PLXDC2: variants seen among roughly 807,000 people sequenced by gnomAD.
The protein encoded by PLXDC2 is plexin domain-containing protein 2.
In PLXDC2, 40 loss-of-function variants were observed where a neutral mutation model predicts 68.9. The observed-to-expected ratio is 0.58, with a 90% CI of 0.45 to 0.76. PLXDC2 has a LOEUF of 0.76. PLXDC2 is among the 30% of genes least tolerant of loss of function. The pLI, the probability that PLXDC2 is intolerant of heterozygous loss-of-function variation, is 0.00. For synonymous variants in PLXDC2, 243 were observed against 234.2 expected (o/e 1.04, Z -0.34); for missense variants, 644 against 661.9 (o/e 0.97, Z 0.30).
At chr10:20,076,937 C>T (rs775351996) in intron 4 of PLXDC2, among the ~76,000 whole-genome samples, 6 of 152,260 alleles carry the variant, frequency 3.9e-5, no homozygotes, top group South Asian at 2.1e-4. Flanking sequence ...TTGTAACACA[C>T]GATAGAATCT....
At chr10:20,132,782 A>T (rs1833884789) in intron 4 of PLXDC2, among the ~76,000 whole-genome samples, 1 of 146,012 alleles carries the variant, frequency 6.8e-6, no homozygotes, top group South Asian at 2.2e-4. Context: ...AAAAAAAAAA[A>T]TCCATTCAAC....
At chr10:20,271,506 A>G (rs984380246) in intron 13 of PLXDC2, among the ~76,000 whole-genome samples, 7 of 152,178 alleles carry the variant, frequency 4.6e-5, no homozygotes, top group African/African-American at 1.7e-4. Context: ...TTTCCAATGG[A>G]AATTAGAGTG....
At chr10:20,127,172 T>A (rs1215425332) in intron 4 of PLXDC2, among the ~76,000 whole-genome samples, 1 of 152,148 alleles carries the variant, frequency 6.6e-6, no homozygotes, top group Non-Finnish European at 1.5e-5. Context: ...AGCAAAGCTC[T>A]TCTACTCCTT....
intron 9 of PLXDC2, among the ~76,000 whole-genome samples, chr10:20,186,081 C>A (rs1834678696): frequency 1.3e-5 from 2 of 151,806 alleles, no homozygotes; most frequent in African/African-American, 4.8e-5. Context: ...AAGTTGAATG[C>A]CAAGTTTAAA....
chr10:20,271,885 T>C (rs911737081), intron 13 of PLXDC2, among the ~76,000 whole-genome samples: 5 of 152,176 alleles, frequency 3.3e-5, no homozygotes, highest in African/African-American at 1.2e-4. Context: ...TCAAATCTCA[T>C]TGGTTAGCTC....
At chr10:20,250,793 T>G (rs1835666018) in intron 13 of PLXDC2, among the ~76,000 whole-genome samples, 1 of 152,190 alleles carries the variant, frequency 6.6e-6, no homozygotes, top group Non-Finnish European at 1.5e-5. Context: ...TAAAAGAACT[T>G]AGTAAATATT....
intron 1 of PLXDC2, among the ~76,000 whole-genome samples, chr10:19,946,513 T>A (rs975834136): frequency 6.6e-6 from 1 of 151,590 alleles, no homozygotes. Flanking sequence ...TAAATTTTCT[T>A]ATCAGTTCCT....
intron 7 of PLXDC2, among the ~76,000 whole-genome samples, chr10:20,169,331 T>G (rs1203371286): frequency 3.3e-5 from 5 of 152,226 alleles, no homozygotes; most frequent in African/African-American, 1.2e-4. Context: ...CATTTTTAAC[T>G]CTGCAAATTT....
intron 1 of PLXDC2, among the ~76,000 whole-genome samples, chr10:19,885,489 C>G (rs1309451080): frequency 1.3e-5 from 2 of 152,074 alleles, no homozygotes; most frequent in African/African-American, 4.8e-5. Flanking sequence ...GGTTTTAGGT[C>G]TAACGTTTAA....
At chr10:19,835,684 C>T (rs1342274268) in intron 1 of PLXDC2, among the ~76,000 whole-genome samples, 1 of 152,114 alleles carries the variant, frequency 6.6e-6, no homozygotes, top group Non-Finnish European at 1.5e-5. Flanking sequence ...AATGGGCCCC[C>T]AGGCGGGAGA....
intron 6 of PLXDC2, among the ~76,000 whole-genome samples, chr10:20,151,644 A>C (rs1834154250): frequency 6.6e-6 from 1 of 152,148 alleles, no homozygotes; most frequent in African/African-American, 2.4e-5. Flanking sequence ...GTTTCTTAAT[A>C]TTGGCTGTTT....
chr10:19,817,457 A>G (rs1193878559), intron 1 of PLXDC2, among the ~76,000 whole-genome samples: 1 of 152,182 alleles, frequency 6.6e-6, no homozygotes, highest in Admixed American at 6.5e-5. Flanking sequence ...AAAGTAGCCC[A>G]GGGAGGGCTT....
chr10:19,935,288 G>C (rs1189839402), intron 1 of PLXDC2, among the ~76,000 whole-genome samples: 2 of 152,206 alleles, frequency 1.3e-5, no homozygotes, highest in African/African-American at 4.8e-5. Context: ...AGGCTGGCCA[G>C]CTGCAAGAGA....
chr10:20,046,746 T>G, intron 2 of PLXDC2, 123 bp from the exon 3 acceptor site: 1 of 933,220 alleles, frequency 1.1e-6, no homozygotes, highest in South Asian at 2.2e-5. Flanking sequence ...TCTCCTAGAG[T>G]ATAGTTAAAT....
chr10:19,998,720 A>T (rs1589577538), intron 1 of PLXDC2, among the ~76,000 whole-genome samples: 1 of 152,154 alleles, frequency 6.6e-6, no homozygotes, highest in African/African-American at 2.4e-5. Context: ...AGGCACAGAG[A>T]TGGAGGTTTG....
intron 12 of PLXDC2, among the ~76,000 whole-genome samples, chr10:20,227,062 A>G (rs1449752588): frequency 6.6e-6 from 1 of 152,124 alleles, no homozygotes; most frequent in African/African-American, 2.4e-5. Context: ...ATTGTAGTAG[A>G]TGGCCCTATA....
At chr10:20,068,865 T>C (rs1836266848) in intron 4 of PLXDC2, among the ~76,000 whole-genome samples, 1 of 152,122 alleles carries the variant, frequency 6.6e-6, no homozygotes, top group South Asian at 2.1e-4. Flanking sequence ...GTAATTATCA[T>C]TCTTTATTGT....
chr10:20,268,548 A>G (rs1835898429), intron 13 of PLXDC2, among the ~76,000 whole-genome samples: 2 of 152,168 alleles, frequency 1.3e-5, no homozygotes, highest in Non-Finnish European at 2.9e-5. Context: ...GTTGTTTCTT[A>G]ATCATGTGAT....
intron 1 of PLXDC2, among the ~76,000 whole-genome samples, chr10:19,933,005 G>A (rs1833666148): frequency 6.6e-6 from 1 of 152,170 alleles, no homozygotes; most frequent in African/African-American, 2.4e-5. Context: ...TTGCCAAAGA[G>A]AGGTTAGGTA....
Sources: allele counts gnomAD v4.1 joint callset (sites outside exome capture counted in the v4.1 genomes callset), GRCh38; gene constraint gnomAD v4.1.1; transcripts MANE v1.5; gene names NCBI Gene and HGNC (gene_info 2026-07-23, HGNC 2026-07-21).